ARID3A: variants seen among roughly 807,000 people sequenced by gnomAD.
The protein encoded by ARID3A is AT-rich interaction domain 3A, also known as AT-rich interactive domain-containing protein 3A.
ARID3A carries 11 observed loss-of-function variants against 52.7 expected under a neutral mutation model. The observed-to-expected ratio is 0.21, with a 90% CI of 0.13 to 0.35. The LOEUF (loss-of-function observed/expected upper bound fraction) is 0.35. Ranked by LOEUF, ARID3A falls within the 10% of genes least tolerant of loss-of-function variation. The pLI, the probability that ARID3A is intolerant of heterozygous loss-of-function variation, is 1.00. For missense variants in ARID3A, 721 were observed against 838.5 expected, an observed-to-expected ratio of 0.86 and a Z score of 1.73; for synonymous variants, 404 against 359.4, an observed-to-expected ratio of 1.12 and a Z score of -1.40.
chr19:929,479 C>G lies in ARID3A; in HGVS notation c.-50C>G. ...CCGCCCCCGCCGCCCACCCCTAGCG[C>G]CCGTGGTGGTGGTGGTGGTGGTGGT... is the stretch of plus-strand genomic sequence containing the variant. On this transcript the variant is annotated 5_prime_UTR_variant, in exon 2 of 9. Coordinates refer to ENST00000263620, the MANE Select transcript of ARID3A (RefSeq NM_005224.3). The surrounding 1 kb of genome is among the most constrained non-coding windows in gnomAD (Gnocchi z 6.2). 6.8e-7 allele frequency: 1 copy of G among 1,475,866 alleles called. No homozygotes were observed. Among genetic ancestry groups the G allele is most frequent in the Non-Finnish European group, 8.9e-7 (1 of 1,119,326 alleles). The allele number at this position is 1,475,866 out of a possible 1,614,324, so 91.4% of individuals were successfully genotyped here.
chr19:975,682 G>T lies in ARID3A; in HGVS notation c.*3617G>T. On this transcript the variant is annotated 3_prime_UTR_variant, in exon 9 of 9. Coordinates refer to ENST00000263620, the MANE Select transcript of ARID3A (RefSeq NM_005224.3). The stretch of plus-strand genomic sequence containing the variant: ...GCCCAGCCTGTCTCGCCCTGGCCGC[G>T]GCAGGGTGGCCTGTAACAATTTCAG... 4.8e-6 allele frequency: 1 copy of T among 207,344 alleles called. No homozygotes were observed. Among genetic ancestry groups the T allele is most frequent in the Admixed American group, 6.0e-5 (1 of 16,768 alleles). The allele number at this position is 207,344 out of a possible 1,614,324, so 12.8% of individuals were successfully genotyped here. A position where few individuals can be genotyped will look rare whatever the true frequency, so the allele number is the denominator to read the frequency against.
intron 3 of ARID3A, among the ~76,000 whole-genome samples, chr19:957,271 G>C (rs893585945): frequency 6.6e-6 from 1 of 152,176 alleles, no homozygotes; most frequent in Non-Finnish European, 1.5e-5. Context: ...TGGAGGCTGA[G>C]ACTCCAGGCT....
chr19:926,283 G>GT (rs2037195440), intron 1 of ARID3A, among the ~76,000 whole-genome samples: 1 of 151,740 alleles, frequency 6.6e-6, no homozygotes, highest in South Asian at 2.1e-4. Context: ...CAAAGAAGGG[G>GT]GTCCCCAAAG....
At position 961,031 on chromosome 19, in the gene ARID3A, G is replaced by T. The variant is rs1030962530; in HGVS notation, c.766+867G>T. Among the ~76,000 whole-genome samples the T allele has an allele frequency of 2.6e-5, 4 of 152,172 alleles. No individual in the cohort carries two copies. In the South Asian group the frequency reaches 8.3e-4, roughly 31 times the overall value. On this transcript the variant is annotated intron_variant, in intron 4 of 8. Transcript: ENST00000263620. The stretch of plus-strand genomic sequence containing the variant: ...CTCGCCTCCAAGTCCTCGTCGGCCG[G>T]AGAGGGTCCTAGGAGCGTCTGCTGC...
rs894262478 is a variant in ARID3A at position 947,029 on chromosome 19, G to A, written c.694-13063G>A. The stretch of plus-strand genomic sequence containing the variant: ...AGGCGGGTCTCAAACTCCTGGGCTC[G>A]AGCAGTCTGCCCACCTCGGCCTCCC... On this transcript the variant is annotated intron_variant, in intron 3 of 8. Coordinates refer to ENST00000263620, the MANE Select transcript of ARID3A (RefSeq NM_005224.3). This position sits in a 1 kb window ranked among gnomAD's most constrained non-coding sequence, Gnocchi z 6.3. 2.0e-5 allele frequency among the ~76,000 whole-genome samples: 3 copies of A among 149,972 alleles called. No individual in the cohort carries two copies. Among genetic ancestry groups the A allele is most frequent in the Non-Finnish European group, 3.0e-5 (2 of 67,570 alleles).
rs989047384 is a variant in ARID3A, at chr19:941,454, A to G, written c.693+8712A>G. Among the ~76,000 whole-genome samples the G allele has an allele frequency of 6.6e-6, 1 of 152,084 alleles. No homozygotes were observed. Among genetic ancestry groups the G allele is most frequent in the African/African-American group, 2.4e-5 (1 of 41,400 alleles). ...CTCACGCGCCCGCCTGCGTGTCCCC[A>G]GCCAGCACCACGGTGTTCGTTTAGG... On this transcript the variant is annotated intron_variant, in intron 3 of 8. Transcript: ENST00000263620. This position sits in a 1 kb window ranked among gnomAD's most constrained non-coding sequence, Gnocchi z 6.9.
intron 3 of ARID3A, among the ~76,000 whole-genome samples, chr19:940,328 C>G (rs747134602): frequency 6.6e-6 from 1 of 151,846 alleles, no homozygotes; most frequent in East Asian, 1.9e-4. Flanking sequence ...TCTCATCGTG[C>G]GCTAAGAAAT....
chr19:953,587 G>C (rs564638099), intron 3 of ARID3A, among the ~76,000 whole-genome samples: 2 of 152,172 alleles, frequency 1.3e-5, no homozygotes, highest in Non-Finnish European at 2.9e-5. Context: ...GGGCTCGGGC[G>C]TGCAACCTTC....
In ARID3A at chr19:974,835, C is replaced by T; in HGVS notation, c.*2770C>T. ...TTCTAACTCAGAGGACTTGAGCCTGCTGTTAACTCCGATGATTGTAGGGAC... is the reference window on the plus strand; with the variant it reads ...TTCTAACTCAGAGGACTTGAGCCTGTTGTTAACTCCGATGATTGTAGGGAC... On this transcript the variant is annotated 3_prime_UTR_variant, in exon 9 of 9. Coordinates refer to ENST00000263620, the MANE Select transcript of ARID3A (RefSeq NM_005224.3). 1.4e-5 allele frequency: 3 copies of T among 211,288 alleles called. No individual in the cohort carries two copies. Among genetic ancestry groups the T allele is most frequent in the Non-Finnish European group, 2.7e-5 (3 of 111,828 alleles). The allele number at this position is 211,288 out of a possible 1,614,324, so 13.1% of individuals were successfully genotyped here.
Position 972,730 on chromosome 19 carries a change from C to A in ARID3A, c.*665C>A, listed in dbSNP as rs1048320760. On this transcript the variant is annotated 3_prime_UTR_variant, in exon 9 of 9. Transcript: ENST00000263620. ...GGATCAAACCTTAGGAAAAGGATAT[C>A]TATATATCTATATAGCTATATATTT... The A allele has an allele frequency of 8.2e-5, 13 of 157,744 alleles. No individual in the cohort carries two copies. The highest frequency in any genetic ancestry group is 3.8e-4 in the African/African-American group (13 of 34,452). 9.8% of individuals were successfully genotyped at this position (157,744 alleles called of 1,614,324 possible).
In ARID3A at chr19:929,704, T is replaced by G; in HGVS notation, c.176T>G (p.Met59Arg). The stretch of plus-strand genomic sequence containing the variant: ...AGTGCCCGGATGCAGCGGGCTCAGA[T>G]GGCCGCACTGGCAGCCATGCGGGCT... The part of the protein sequence containing the change: ...PESARMQRAQ[M>R]AALAAMRAAA... The change falls in exon 2 of 9, where the codon ATG becomes AGG. Residue 59 changes from methionine to arginine, a missense_variant. Met to Arg is a moderately conservative substitution (Grantham distance 91, BLOSUM62 -1). Coordinates refer to ENST00000263620, the MANE Select transcript of ARID3A (RefSeq NM_005224.3). This position sits in a 1 kb window ranked among gnomAD's most constrained non-coding sequence, Gnocchi z 6.2. 6.4e-7 allele frequency: 1 copy of G among 1,564,424 alleles called. No individual in the cohort carries two copies. Among genetic ancestry groups the G allele is most frequent in the Non-Finnish European group, 8.6e-7 (1 of 1,163,448 alleles).
rs970099754 is a variant in ARID3A at position 964,195 on chromosome 19, G to A, written c.767-53G>A. ...GAGAGGGCGGAGGCCAGGACACTCG[G>A]CTCCCTGCAGTGCCCAGGTGGCCCC... On this transcript the variant is annotated intron_variant, in intron 4 of 8. Coordinates refer to ENST00000263620, the MANE Select transcript of ARID3A (RefSeq NM_005224.3). This position sits in a 1 kb window ranked among gnomAD's most constrained non-coding sequence, Gnocchi z 5.7. 4.0e-6 allele frequency: 6 copies of A among 1,497,210 alleles called. No individual in the cohort carries two copies. The highest frequency in any genetic ancestry group is 2.8e-5 in the African/African-American group (2 of 72,664). 92.7% of individuals were successfully genotyped at this position (1,497,210 alleles called of 1,614,324 possible).
At chr19:946,137 C>A (rs2037674514) in intron 3 of ARID3A, among the ~76,000 whole-genome samples, 1 of 152,140 alleles carries the variant, frequency 6.6e-6, no homozygotes, top group South Asian at 2.1e-4. Context: ...GGGCGGGGAC[C>A]CTGTACAGAA....
At position 973,140 on chromosome 19, in the gene ARID3A, C is replaced by CTTTTTTTTT. The variant is rs1555732929; in HGVS notation, c.*1076_*1077insTTTTTTTTT. 4.8e-4 allele frequency: 10 copies of CTTTTTTTTT among 20,664 alleles called. No homozygotes were observed. The highest frequency in any genetic ancestry group is 1.7e-3 in the Admixed American group (3 of 1,738). The allele number at this position is 20,664 out of a possible 1,614,324, so 1.3% of individuals were successfully genotyped here. A position where few individuals can be genotyped will look rare whatever the true frequency, so the allele number is the denominator to read the frequency against. The stretch of plus-strand genomic sequence containing the variant: ...TTTTTTTTTTTGAGACGGAGTTTTG[C>CTTTTTTTTT]TCTTGTCGCCCAGGCTGGAGTGAGT... On this transcript the variant is annotated 3_prime_UTR_variant, in exon 9 of 9. Coordinates refer to ENST00000263620, the MANE Select transcript of ARID3A (RefSeq NM_005224.3).
At chr19:970,498 CTTTTTTTTT>C (rs1177419405) in intron 8 of ARID3A, among the ~76,000 whole-genome samples, 4 of 88,346 alleles carry the variant, frequency 4.5e-5, no homozygotes, top group African/African-American at 1.9e-4. Flanking sequence ...AATAGTTTTT[CTTTTTTTTT>C]TTTTTTTTTT....
Position 941,136 on chromosome 19 carries a change from T to C in ARID3A, c.693+8394T>C, listed in dbSNP as rs1436968245. The stretch of plus-strand genomic sequence containing the variant: ...GCCAAGCGCCGGCCCCGCCCCATGC[T>C]TTCTAATAACACACGCGGCAGCCCG... On this transcript the variant is annotated intron_variant, in intron 3 of 8. Transcript: ENST00000263620. This position sits in a 1 kb window ranked among gnomAD's most constrained non-coding sequence, Gnocchi z 6.9. Among the ~76,000 whole-genome samples the C allele has an allele frequency of 1.3e-5, 2 of 152,196 alleles. No homozygotes were observed. Among genetic ancestry groups the C allele is most frequent in the Non-Finnish European group, 2.9e-5 (2 of 68,010 alleles).
At chr19:950,878 A>G (rs1050296273) in intron 3 of ARID3A, among the ~76,000 whole-genome samples, 18 of 151,952 alleles carry the variant, frequency 1.2e-4, no homozygotes, top group Middle Eastern at 3.4e-3. Context: ...GCTGGAGTGC[A>G]ATGGCACGAT....
chr19:926,965 T>C (rs1183345018), intron 1 of ARID3A, among the ~76,000 whole-genome samples: 3 of 151,540 alleles, frequency 2.0e-5, no homozygotes, highest in Non-Finnish European at 2.9e-5. Context: ...TTCTTCTCCT[T>C]CTTGAGTTTT....
intron 2 of ARID3A, 71 bp from the exon 3 acceptor site, chr19:932,347 G>A: frequency 6.4e-7 from 1 of 1,562,576 alleles, no homozygotes; most frequent in South Asian, 1.2e-5. Context: ...GCTGGGCGGG[G>A]AGTGGGTCTT....
Sources: gnomAD v4.1 joint callset for allele counts (sites outside exome capture counted in the v4.1 genomes callset) on GRCh38, gnomAD v4.1.1 for gene constraint, Gnocchi (gnomAD v3.1) non-coding constraint, MANE v1.5 for transcripts, NCBI Gene and HGNC (gene_info 2026-07-23, HGNC 2026-07-21) for gene names.